The following PRR35 variants were observed in gnomAD, a reference collection of about 807,000 sequenced individuals.
PRR35 encodes the protein proline rich 35.
PRR35 carries 14 observed loss-of-function variants against 18.6 expected under a neutral mutation model. That is an observed-to-expected ratio of 0.75 (90% CI 0.50 to 1.18). PRR35 has a LOEUF of 1.18. Among genes scored for constraint, PRR35 ranks in the 50% most tolerant of loss-of-function variants. The pLI, the probability that PRR35 is intolerant of heterozygous loss-of-function variation, is 0.00. For missense variants in PRR35, 832 were observed against 792.2 expected, an observed-to-expected ratio of 1.05 and a Z score of -0.60; for synonymous variants, 425 against 378.2, an observed-to-expected ratio of 1.12 and a Z score of -1.43.
At position 563,652 on chromosome 16, in the gene PRR35, G is replaced by A. The variant is rs757330711; in HGVS notation, c.358G>A (p.Asp120Asn). 95 of 1,575,594 alleles carry A rather than the reference G, an allele frequency of 6.0e-5. No individual in the cohort carries two copies. The highest frequency in any genetic ancestry group is 1.7e-4 in the Middle Eastern group (1 of 5,894). Residue 120 changes from aspartate to asparagine, a missense_variant, in exon 2 of 3, where the codon GAC becomes AAC. Transcript: ENST00000409413. ...AAPAPDLVVA[D>N]IHSLHCGGGP... ...CCCCGCGCCTGACCTCGTGGTCGCC[G>A]ACATCCACTCCCTGCACTGTGGCGG... is the stretch of plus-strand genomic sequence containing the variant.
chr16:565,289 C>T lies in PRR35; in HGVS notation c.1698C>T (p.Pro566=). 1 of 1,525,508 alleles carries T rather than the reference C, an allele frequency of 6.6e-7. No individual in the cohort carries two copies. Among genetic ancestry groups the T allele is most frequent in the Non-Finnish European group, 8.8e-7 (1 of 1,136,224 alleles). 94.5% of individuals were successfully genotyped at this position (1,525,508 alleles called of 1,614,324 possible). Residue 566 remains proline (P), a synonymous_variant, in exon 3 of 3, where the codon CCC becomes CCT. Transcript: ENST00000409413. ...TPEAVCGLQS[P]QGAEV ...AGGCTGTCTGTGGCCTGCAGAGCCC[C>T]CAGGGCGCCGAGGTCTGACCTGCAG... is the stretch of plus-strand genomic sequence containing the variant.
At chr16:563,063 C>G (rs1183162764) in intron 1 of PRR35, among the ~76,000 whole-genome samples, 193 bp from the exon 2 acceptor site, 11 of 146,444 alleles carry the variant, frequency 7.5e-5, no homozygotes, top group Non-Finnish European at 1.5e-4. Context: ...GTGCCCTGGA[C>G]TTTGCTGCCA....
chr16:564,665 A>G lies in PRR35; in HGVS notation c.1083-9A>G. ...CAGTGCGGCCTCCTGACCAGCTTCC[A>G]CCCCACAGCCTGCCCACCGGCTCCT... is the stretch of plus-strand genomic sequence containing the variant. On this transcript the variant is annotated splice_polypyrimidine_tract_variant and intron_variant, in intron 2 of 2. Coordinates refer to ENST00000409413, the MANE Select transcript of PRR35 (RefSeq NM_145270.3). The G allele has an allele frequency of 6.6e-7, 1 of 1,517,342 alleles. No individual in the cohort carries two copies. The highest frequency in any genetic ancestry group is 1.2e-5 in the South Asian group (1 of 81,968). 94.0% of individuals were successfully genotyped at this position (1,517,342 alleles called of 1,614,324 possible).
At chr16:561,027 G>A (rs2035425666) in intron 1 of PRR35, among the ~76,000 whole-genome samples, 1 of 151,184 alleles carries the variant, frequency 6.6e-6, no homozygotes, top group Admixed American at 6.6e-5. Flanking sequence ...TGTGCCCCCC[G>A]TGCCACCGGT....
rs1268962362 is a variant in PRR35 at position 565,333 on chromosome 16, C to T, written c.*26C>T. 1 of 1,447,164 alleles carries T rather than the reference C, an allele frequency of 6.9e-7. No individual in the cohort carries two copies. Among genetic ancestry groups the T allele is most frequent in the South Asian group, 1.5e-5 (1 of 67,200 alleles). The allele number at this position is 1,447,164 out of a possible 1,614,324, so 89.6% of individuals were successfully genotyped here. On this transcript the variant is annotated 3_prime_UTR_variant, in exon 3 of 3. Transcript: ENST00000409413. ...CCTGCAGCGCCTGAGGTCTGACTGT[C>T]TCTGCCTGCAGCATGCCGGCCCCTC...
At chr16:561,920 G>C in intron 1 of PRR35, 1 of 319,524 alleles carries the variant, frequency 3.1e-6, no homozygotes, top group Non-Finnish European at 4.5e-6. Context: ...CGGACAAGCA[G>C]CCGTGTTCAC....
Position 563,854 on chromosome 16 carries a change from T to A in PRR35, c.560T>A (p.Val187Asp). 6.5e-7 allele frequency: 1 copy of A among 1,537,608 alleles called. No individual in the cohort carries two copies. The highest frequency in any genetic ancestry group is 8.8e-7 in the Non-Finnish European group (1 of 1,139,018). Reference protein sequence around the residue: ...DMASAGPEGSVPCYPPPAPGE... With the variant: ...DMASAGPEGSDPCYPPPAPGE... ...GCCTCAGCAGGCCCTGAGGGCAGCG[T>A]CCCCTGCTATCCCCCGCCTGCCCCA... The change falls in exon 2 of 3, where the codon GTC (valine) becomes GAC (aspartate). Residue 187 changes from valine (V) to aspartate (D), a missense_variant. Transcript: ENST00000409413.
chr16:564,543 G>A lies in PRR35; in HGVS notation c.1083-131G>A, dbSNP rs572911571. ...ACTGAGACCCGAGAGCCAGCGCGGG[G>A]GTCCTCGGGGTCTCCAGGAGAGCCT... On this transcript the variant is annotated intron_variant, in intron 2 of 2. Transcript: ENST00000409413. 2.1e-4 allele frequency: 291 copies of A among 1,392,478 alleles called. 1 individual carries two copies. In the African/African-American group the frequency reaches 3.8e-3, roughly 18 times the overall value. 86.3% of individuals were successfully genotyped at this position (1,392,478 alleles called of 1,614,324 possible).
chr16:562,435 C>T (rs1490308933), intron 1 of PRR35, among the ~76,000 whole-genome samples: 1 of 152,192 alleles, frequency 6.6e-6, no homozygotes, highest in South Asian at 2.1e-4. Context: ...CACACGCACT[C>T]ACACATGCAT....
intron 1 of PRR35, chr16:561,753 A>G: frequency 2.0e-6 from 2 of 985,436 alleles, no homozygotes; most frequent in Non-Finnish European, 2.4e-6. Context: ...TACCCTGCTC[A>G]ACCCACTGGC....
At chr16:561,136 C>T (rs558044899) in intron 1 of PRR35, among the ~76,000 whole-genome samples, 25 of 152,326 alleles carry the variant, frequency 1.6e-4, no homozygotes, top group African/African-American at 5.1e-4. Flanking sequence ...TTGCCGGGTC[C>T]GGCTGGGACG....
chr16:564,772 G>T lies in PRR35; in HGVS notation c.1181G>T (p.Arg394Leu). 6.5e-7 allele frequency: 1 copy of T among 1,542,392 alleles called. No homozygotes were observed. Residue 394 changes from arginine (R) to leucine (L), a missense_variant, in exon 3 of 3, where the codon CGG (arginine) becomes CTG (leucine). Physicochemically the swap from Arg to Leu is moderately radical, Grantham distance 102 (BLOSUM62 -2). This residue lies in a region of PRR35 where 768 missense variants were observed against 704.1 expected (regional missense o/e 1.09). Coordinates refer to ENST00000409413, the MANE Select transcript of PRR35 (RefSeq NM_145270.3). Reference protein sequence around the residue: ...GPEGPLPLQPRGPVPGSPEHV... With the variant: ...GPEGPLPLQPLGPVPGSPEHV... ...GAGGGCCCCCTCCCCCTGCAGCCAC[G>T]GGGCCCAGTGCCAGGAAGCCCGGAG... is the stretch of plus-strand genomic sequence containing the variant.
Position 564,979 on chromosome 16 carries a change from C to A in PRR35, c.1388C>A (p.Ala463Glu). ...GAGCAGGCCGTGAGGCCGCCAGACG[C>A]ACCCCTCGACCTCTCTGTGAAACGT... ...ALEQAVRPPD[A>E]PLDLSVKRAP... is the part of the protein sequence containing the mutation. Residue 463 changes from alanine (A) to glutamate (E), a missense_variant, in exon 3 of 3, where the codon GCA (alanine) becomes GAA (glutamate). By Grantham distance (107) the Ala-to-Glu change is moderately radical. Coordinates refer to ENST00000409413, the MANE Select transcript of PRR35 (RefSeq NM_145270.3). 1 of 1,607,302 alleles carries A rather than the reference C, an allele frequency of 6.2e-7. No individual in the cohort carries two copies. Among genetic ancestry groups the A allele is most frequent in the Non-Finnish European group, 8.5e-7 (1 of 1,178,276 alleles).
rs569062272 is a variant in PRR35, at chr16:564,793, C to T, written c.1202C>T (p.Pro401Leu). 3.7e-5 allele frequency: 58 copies of T among 1,552,096 alleles called. No individual in the cohort carries two copies. In the African/African-American group the frequency reaches 4.1e-4, roughly 11 times the overall value. The change falls in exon 3 of 3, where the codon CCG (proline) becomes CTG (leucine). Residue 401 changes from proline to leucine, a missense_variant. Physicochemically the swap from Pro to Leu is moderately conservative, Grantham distance 98. Coordinates refer to ENST00000409413, the MANE Select transcript of PRR35 (RefSeq NM_145270.3). Reference sequence around the variant, plus strand: ...CCACGGGGCCCAGTGCCAGGAAGCCCGGAGCATGTGGGCGAGGACCTGACC... The same window carrying T: ...CCACGGGGCCCAGTGCCAGGAAGCCTGGAGCATGTGGGCGAGGACCTGACC... The part of the protein sequence containing the change: ...LQPRGPVPGS[P>L]EHVGEDLTRA...
At chr16:562,036 G>A (rs1002264084) in intron 1 of PRR35, among the ~76,000 whole-genome samples, 1 of 152,230 alleles carries the variant, frequency 6.6e-6, no homozygotes, top group African/African-American at 2.4e-5. Context: ...CTGGGTGAGG[G>A]CTCTGTGTGA....
intron 1 of PRR35, chr16:561,736 C>G (rs1363061576): frequency 1.0e-6 from 1 of 985,288 alleles, no homozygotes; most frequent in Non-Finnish European, 1.2e-6. Context: ...CAGCAGTGCC[C>G]CAGCCCTACC....
In PRR35 at chr16:563,455, A is replaced by G; in HGVS notation, c.161A>G (p.Asn54Ser). 2 of 1,612,516 alleles carry G rather than the reference A, an allele frequency of 1.2e-6. No individual in the cohort carries two copies. The highest frequency in any genetic ancestry group is 1.7e-6 in the Non-Finnish European group (2 of 1,179,616). ...FTCLEKSHLY[N>S]HMKYSLCKDS... ...TGCCTGGAGAAGTCACACCTCTACA[A>G]CCACATGAAGTACAGCCTCTGCAAG... is the stretch of plus-strand genomic sequence containing the variant. Residue 54 changes from asparagine to serine, a missense_variant, in exon 2 of 3, where the codon AAC becomes AGC. Asn to Ser is a conservative substitution (Grantham distance 46). Coordinates refer to ENST00000409413, the MANE Select transcript of PRR35 (RefSeq NM_145270.3).
chr16:559,862 G>A, upstream of PRR35: 2 of 667,756 alleles, frequency 3.0e-6, no homozygotes, highest in South Asian at 6.7e-5. Flanking sequence ...CTCGCCCAGG[G>A]AGGGCAAGGA....
In PRR35 at chr16:564,125, A is replaced by G; in HGVS notation, c.831A>G (p.Pro277=). Reference sequence around the variant, plus strand: ...TTCTGGAGCACACTCTGGGGCTGCCAGCAGGCAAAGCTGCCCTTGCCAAGG... The same window carrying G: ...TTCTGGAGCACACTCTGGGGCTGCCGGCAGGCAAAGCTGCCCTTGCCAAGG... ...PLLLEHTLGL[P]AGKAALAKAP... The change falls in exon 2 of 3, where the codon CCA becomes CCG. Residue 277 remains proline (P), a synonymous_variant. Coordinates refer to ENST00000409413, the MANE Select transcript of PRR35 (RefSeq NM_145270.3). 6.4e-7 allele frequency: 1 copy of G among 1,569,524 alleles called. No individual in the cohort carries two copies. Among genetic ancestry groups the G allele is most frequent in the South Asian group, 1.2e-5 (1 of 86,886 alleles).
Sources: gnomAD v4.1 joint callset for allele counts (sites outside exome capture counted in the v4.1 genomes callset) on GRCh38, gnomAD v4.1.1 for gene constraint, gnomAD v4.1.1 regional missense constraint, MANE v1.5 for transcripts, NCBI Gene and HGNC (gene_info 2026-07-23, HGNC 2026-07-21) for gene names.